Variants in SV2B observed in about 807,000 individuals in gnomAD.
SV2B encodes synaptic vesicle glycoprotein 2B, also known as solute carrier family 22 member B2.
A neutral mutation model predicts 73.9 loss-of-function variants in SV2B; 41 were observed. That is an observed-to-expected ratio of 0.56 (90% CI 0.43 to 0.72). The LOEUF is 0.72. SV2B is among the 30% of genes least tolerant of loss of function. SV2B has a pLI of 0.00. For missense variants in SV2B, 764 were observed against 857.8 expected (o/e 0.89, Z 1.37); for synonymous variants, 314 against 314.2 (o/e 1.00, Z 0.01).
At position 91,300,734 on chromosome 15, in the gene SV2B, C is replaced by A. The variant is rs2049415446; in HGVS notation, c.*8182C>A. 1.3e-5 allele frequency: 2 copies of A among 152,170 alleles called. No individual in the cohort carries two copies. The highest frequency in any genetic ancestry group is 2.4e-5 in the African/African-American group (1 of 41,448). 9.4% of individuals were successfully genotyped at this position (152,170 alleles called of 1,614,324 possible). On this transcript the variant is annotated 3_prime_UTR_variant, in exon 13 of 13. Coordinates refer to ENST00000394232, the MANE Select transcript of SV2B (RefSeq NM_001323032.3). ...TTAATCCTTTGGCTAGATGGGATAC[C>A]TCTTCTACCTTTTCAGAGGTGAGCT...
At chr15:91,148,765 C>T (rs1199456151) in intron 1 of SV2B, among the ~76,000 whole-genome samples, 1 of 152,182 alleles carries the variant, frequency 6.6e-6, no homozygotes, top group African/African-American at 2.4e-5. Flanking sequence ...AAGGTCCAGT[C>T]TGAGTCCACA....
chr15:91,209,693 G>A (rs968865980), intron 1 of SV2B, among the ~76,000 whole-genome samples: 1 of 152,134 alleles, frequency 6.6e-6, no homozygotes, highest in African/African-American at 2.4e-5. Flanking sequence ...CTCTCTCCAG[G>A]GGTATGACGT....
In SV2B at chr15:91,231,185, T is replaced by G. The variant is rs1014688282; in HGVS notation, c.451+4471T>G. 6.6e-6 allele frequency among the ~76,000 whole-genome samples: 1 copy of G among 152,172 alleles called. No homozygotes were observed. Among genetic ancestry groups the G allele is most frequent in the Admixed American group, 6.5e-5 (1 of 15,272 alleles). Reference sequence around the variant, plus strand: ...AGGGCTATGTGGCAAGGTAAGCCCTTTGGTTCTTACAAATGACATCACTGA... The same window carrying G: ...AGGGCTATGTGGCAAGGTAAGCCCTGTGGTTCTTACAAATGACATCACTGA... On this transcript the variant is annotated intron_variant, in intron 2 of 12. Transcript: ENST00000394232. This position sits in a 1 kb window ranked among gnomAD's most constrained non-coding sequence, Gnocchi z 4.5.
chr15:91,100,205 G>C (rs6496760), upstream of SV2B: 83,922 of 151,986 alleles, frequency 0.55, 24,060 homozygotes, highest in African/African-American at 0.61. This position sits in a 1 kb window ranked among gnomAD's most constrained non-coding sequence, Gnocchi z 6.4. Flanking sequence ...CGGCTGGCGG[G>C]GGCGGCGTGG....
chr15:91,246,235 T>C (rs569846179), intron 2 of SV2B, among the ~76,000 whole-genome samples: 1 of 152,308 alleles, frequency 6.6e-6, no homozygotes, highest in East Asian at 1.9e-4. Context: ...CTATTCTCTA[T>C]CCTTTTTCCT....
rs77137982 is a variant in SV2B at position 91,282,754 on chromosome 15, T to C, written c.1507+893T>C. ...GGCATCAGCAGCAAGGGATAGTTTA[T>C]ATAAGAACATCTTTTTCCTCTATGA... is the stretch of plus-strand genomic sequence containing the variant. On this transcript the variant is annotated intron_variant, in intron 10 of 12. Coordinates refer to ENST00000394232, the MANE Select transcript of SV2B (RefSeq NM_001323032.3). 5.2e-3 allele frequency among the ~76,000 whole-genome samples: 799 copies of C among 152,316 alleles called. 7 individuals carry two copies. The highest frequency in any genetic ancestry group is 0.017 in the Middle Eastern group (5 of 294).
At chr15:91,255,650 A>G (rs887693308) in intron 4 of SV2B, among the ~76,000 whole-genome samples, 3 of 152,226 alleles carry the variant, frequency 2.0e-5, no homozygotes, top group Admixed American at 6.5e-5. Flanking sequence ...TTTTACCCCA[A>G]ATGGACAGGA....
At chr15:91,117,590 T>G (rs1596428943) in intron 1 of SV2B, among the ~76,000 whole-genome samples, 2 of 152,234 alleles carry the variant, frequency 1.3e-5, no homozygotes. Context: ...AGGGACATAT[T>G]CTTCTCCTTC....
chr15:91,212,947 C>A lies in SV2B; in HGVS notation c.-391-12926C>A, dbSNP rs539460011. Among the ~76,000 whole-genome samples the A allele has an allele frequency of 1.2e-4, 18 of 150,982 alleles. No individual in the cohort carries two copies. The East Asian group carries it at 3.5e-3, about 29-fold the overall frequency. On this transcript the variant is annotated intron_variant, in intron 1 of 12. Transcript: ENST00000394232. ...CTTGAGGCCAGGAGTTTGAGACCAG[C>A]CTGGCCAACATGGTGAAACCCTGTC...
chr15:91,202,817 T>C (rs1414184173), intron 1 of SV2B, among the ~76,000 whole-genome samples: 2 of 152,106 alleles, frequency 1.3e-5, no homozygotes, highest in Admixed American at 6.5e-5. Context: ...GGGCCTGGCC[T>C]TTTTATCCCC....
At position 91,115,279 on chromosome 15, in the gene SV2B, C is replaced by A. The variant is rs1828339682; in HGVS notation, c.-392+14916C>A. ...AACCCACAGACGTCCACCACACACA[C>A]TGAGCTGGCTTCTGTTGCTGAAATA... is the stretch of plus-strand genomic sequence containing the variant. On this transcript the variant is annotated intron_variant, in intron 1 of 12. Coordinates refer to ENST00000394232, the MANE Select transcript of SV2B (RefSeq NM_001323032.3). The surrounding 1 kb of genome is among the most constrained non-coding windows in gnomAD (Gnocchi z 4.3). Among the ~76,000 whole-genome samples, 1 of 152,236 alleles carries A rather than the reference C, an allele frequency of 6.6e-6. No homozygotes were observed. The highest frequency in any genetic ancestry group is 2.4e-5 in the African/African-American group (1 of 41,458).
chr15:91,140,567 C>T lies in SV2B; in HGVS notation c.-392+40204C>T, dbSNP rs1305013156. Among the ~76,000 whole-genome samples, 1 of 152,176 alleles carries T rather than the reference C, an allele frequency of 6.6e-6. No homozygotes were observed. The highest frequency in any genetic ancestry group is 2.4e-5 in the African/African-American group (1 of 41,436). ...CTAGCTCATTCATTAGGTCTGCTTC[C>T]ATTTAACCCGAGGCCTGAGGAGTAG... On this transcript the variant is annotated intron_variant, in intron 1 of 12. Coordinates refer to ENST00000394232, the MANE Select transcript of SV2B (RefSeq NM_001323032.3). This position sits in a 1 kb window ranked among gnomAD's most constrained non-coding sequence, Gnocchi z 4.4.
intron 1 of SV2B, among the ~76,000 whole-genome samples, chr15:91,183,146 T>C (rs745807293): frequency 2.0e-5 from 3 of 152,218 alleles, no homozygotes; most frequent in African/African-American, 4.8e-5. Context: ...GTCTGGGGTC[T>C]AGAAAGATTT....
Position 91,288,624 on chromosome 15 carries a change from CTCTTTCTCTCTTCTT to C in SV2B, c.1709-885_1709-871del, listed in dbSNP as rs2048939578. Among the ~76,000 whole-genome samples, 1 of 151,890 alleles carries C rather than the reference CTCTTTCTCTCTTCTT, an allele frequency of 6.6e-6. No individual in the cohort carries two copies. Among genetic ancestry groups the C allele is most frequent in the African/African-American group, 2.4e-5 (1 of 41,334 alleles). On this transcript the variant is annotated intron_variant, in intron 11 of 12. Coordinates refer to ENST00000394232, the MANE Select transcript of SV2B (RefSeq NM_001323032.3). This position sits in a 1 kb window ranked among gnomAD's most constrained non-coding sequence, Gnocchi z 5.8. ...TTCTTTTCTTCTCCTTCCTCTCTCT[CTCTTTCTCTCTTCTT>C]TCTTTCTCTCTCTCTCTCTCCTTCC... is the stretch of plus-strand genomic sequence containing the variant.
intron 1 of SV2B, among the ~76,000 whole-genome samples, chr15:91,193,400 T>A (rs756779192): frequency 7.2e-5 from 11 of 152,234 alleles, no homozygotes; most frequent in Non-Finnish European, 1.6e-4. Flanking sequence ...TTGCCCAAGT[T>A]GGATATTTAA....
chr15:91,263,428 A>G (rs1015178909), intron 6 of SV2B, among the ~76,000 whole-genome samples: 28 of 151,882 alleles, frequency 1.8e-4, no homozygotes, highest in African/African-American at 6.5e-4. Flanking sequence ...AAACACACAG[A>G]CACACATTAA....
intron 1 of SV2B, among the ~76,000 whole-genome samples, chr15:91,131,643 A>G (rs1348760020): frequency 1.5e-5 from 2 of 135,848 alleles, no homozygotes; most frequent in African/African-American, 3.1e-5. Context: ...TATTGCTACA[A>G]AAAATTTGAA....
rs567883196 is a variant in SV2B, at chr15:91,115,252, G to A, written c.-392+14889G>A. On this transcript the variant is annotated intron_variant, in intron 1 of 12. Coordinates refer to ENST00000394232, the MANE Select transcript of SV2B (RefSeq NM_001323032.3). The surrounding 1 kb of genome is among the most constrained non-coding windows in gnomAD (Gnocchi z 4.3). Reference sequence around the variant, plus strand: ...AAGAGGACATGGGTCCTGAGCAGGCGAAACCCACAGACGTCCACCACACAC... The same window carrying A: ...AAGAGGACATGGGTCCTGAGCAGGCAAAACCCACAGACGTCCACCACACAC... Among the ~76,000 whole-genome samples, 4 of 152,170 alleles carry A rather than the reference G, an allele frequency of 2.6e-5. No individual in the cohort carries two copies. Among genetic ancestry groups the A allele is most frequent in the Non-Finnish European group, 5.9e-5 (4 of 68,002 alleles).
At chr15:91,134,018 A>AT (rs1473956901) in intron 1 of SV2B, among the ~76,000 whole-genome samples, 1 of 12,736 alleles carries the variant, frequency 7.9e-5, no homozygotes, top group Non-Finnish European at 1.7e-4. Flanking sequence ...TTTTTTTTTG[A>AT]GATGGAGTCT....
Sources: allele counts gnomAD v4.1 joint callset (sites outside exome capture counted in the v4.1 genomes callset), GRCh38; gene constraint gnomAD v4.1.1; non-coding constraint Gnocchi (gnomAD v3.1); transcripts MANE v1.5; gene names NCBI Gene and HGNC (gene_info 2026-07-23, HGNC 2026-07-21).